Variants in HTR2C observed in about 807,000 individuals in gnomAD.
HTR2C encodes the protein 5-hydroxytryptamine receptor 2C, also known as 5-hydroxytryptamine (serotonin) receptor 2C, G protein-coupled.
In HTR2C, 5 loss-of-function variants were observed where a neutral mutation model predicts 21.0. That is an observed-to-expected ratio of 0.24 (90% CI 0.12 to 0.50). HTR2C has a LOEUF of 0.50. Ranked by LOEUF, HTR2C falls within the 20% of genes least tolerant of loss-of-function variation. HTR2C has a pLI of 0.98. For missense variants in HTR2C, 271 were observed against 371.2 expected (o/e 0.73, Z 2.22); for synonymous variants, 150 against 145.3 (o/e 1.03, Z -0.23).
chrX:114,690,682 G>A (rs1021599473), intron 2 of HTR2C, among the ~76,000 whole-genome samples: 1 of 111,451 alleles, frequency 9.0e-6, no homozygotes. Context: ...GGATAATAGG[G>A]CAGGTGCTCT....
intron 2 of HTR2C, among the ~76,000 whole-genome samples, chrX:114,616,201 C>T (rs1556400212): frequency 9.1e-6 from 1 of 109,910 alleles, no homozygotes; most frequent in East Asian, 2.8e-4. Context: ...AATGTGTATA[C>T]ATCTACAGCC....
chrX:114,830,548 G>A (rs1292303979), intron 4 of HTR2C, among the ~76,000 whole-genome samples: 12 of 110,309 alleles, frequency 1.1e-4, no homozygotes, highest in African/African-American at 1.3e-4. Flanking sequence ...GCTTACTTCA[G>A]TTTTGCCAGA....
At chrX:114,739,853 C>A (rs191042748) in intron 4 of HTR2C, among the ~76,000 whole-genome samples, 1 of 111,344 alleles carries the variant, frequency 9.0e-6, no homozygotes, top group East Asian at 2.8e-4. Context: ...CACCTATAAT[C>A]CCAGCACTTT....
intron 3 of HTR2C, among the ~76,000 whole-genome samples, chrX:114,727,930 G>A (rs782295203): frequency 1.8e-5 from 2 of 111,586 alleles, no homozygotes; most frequent in African/African-American, 6.5e-5. Context: ...TTGGGTATGG[G>A]AAAATGAAAG....
At chrX:114,781,386 C>T (rs1479419553) in intron 4 of HTR2C, among the ~76,000 whole-genome samples, 1 of 110,923 alleles carries the variant, frequency 9.0e-6, no homozygotes, top group Non-Finnish European at 1.9e-5. Flanking sequence ...GTCCTACCTA[C>T]TTGAGAGGCT....
chrX:114,875,290 C>G (rs1451279308), intron 5 of HTR2C, among the ~76,000 whole-genome samples: 1 of 111,908 alleles, frequency 8.9e-6, no homozygotes, highest in Non-Finnish European at 1.9e-5. Flanking sequence ...GAGTGGGACA[C>G]ACATTCAGAA....
rs868986182 is a variant in HTR2C at position 114,805,626 on chromosome X, C to T, written c.350-42377C>T. 2.1e-4 allele frequency among the ~76,000 whole-genome samples: 2 copies of T among 9,505 alleles called. 1 individual carries two copies. The highest frequency in any genetic ancestry group is 3.3e-4 in the Non-Finnish European group (2 of 6,149). The allele number at this position is 9,505 out of a possible 115,157, so 8.3% of individuals were successfully genotyped here. A position where few individuals can be genotyped will look rare whatever the true frequency, so the allele number is the denominator to read the frequency against. ...ATATATATACACATCATATATATAC[C>T]ATATATATACCATATATATACACCA... is the stretch of plus-strand genomic sequence containing the variant. On this transcript the variant is annotated intron_variant, in intron 4 of 5. Transcript: ENST00000276198.
intron 4 of HTR2C, among the ~76,000 whole-genome samples, chrX:114,797,603 G>A (rs1393539788): frequency 2.7e-5 from 3 of 111,641 alleles, no homozygotes; most frequent in African/African-American, 9.8e-5. Flanking sequence ...TCCTTGTTGT[G>A]CAATCAGGGT....
intron 4 of HTR2C, among the ~76,000 whole-genome samples, chrX:114,800,008 T>C (rs1373656579): frequency 9.0e-6 from 1 of 111,070 alleles, no homozygotes; most frequent in African/African-American, 3.3e-5. Context: ...CTGTTCTAGA[T>C]GTTTCCCAAA....
At chrX:114,806,070 A>ATATATACCATG (rs1210001090) in intron 4 of HTR2C, among the ~76,000 whole-genome samples, 1 of 100,987 alleles carries the variant, frequency 9.9e-6, no homozygotes, top group South Asian at 4.4e-4. Flanking sequence ...TATACACCAT[A>ATATATACCATG]TATACACCAT....
At chrX:114,637,887 A>G (rs73222943) in intron 2 of HTR2C, among the ~76,000 whole-genome samples, 1,392 of 111,653 alleles carry the variant, frequency 0.012, 11 homozygotes, top group Non-Finnish European at 0.021. Flanking sequence ...AAAATTCGCT[A>G]AGGGAGAGTG....
chrX:114,716,397 G>A (rs1556419805), intron 2 of HTR2C, among the ~76,000 whole-genome samples: 2 of 111,930 alleles, frequency 1.8e-5, no homozygotes, highest in South Asian at 3.6e-4. Flanking sequence ...CAATAATCAC[G>A]CTCATGGAAC....
At chrX:114,833,984 G>A (rs1206668835) in intron 4 of HTR2C, among the ~76,000 whole-genome samples, 2 of 110,047 alleles carry the variant, frequency 1.8e-5, no homozygotes, top group Non-Finnish European at 3.8e-5. Flanking sequence ...GGAGCAGGTT[G>A]TTCAGTTTCC....
chrX:114,846,514 C>G (rs1188373911), intron 4 of HTR2C, among the ~76,000 whole-genome samples: 1 of 111,742 alleles, frequency 8.9e-6, no homozygotes, highest in Non-Finnish European at 1.9e-5. Flanking sequence ...CATACAGAAA[C>G]TAATCAATGT....
At chrX:114,890,075 G>C (rs1435683694) in intron 5 of HTR2C, among the ~76,000 whole-genome samples, 1 of 111,646 alleles carries the variant, frequency 9.0e-6, no homozygotes. Context: ...GCCACTCTCT[G>C]CTTTTTCTTG....
At chrX:114,741,523 C>CAAAAAAAAAAAAAAAAAAAAAAAAAAAA (rs2069645894) in intron 4 of HTR2C, among the ~76,000 whole-genome samples, 1 of 5,511 alleles carries the variant, frequency 1.8e-4, no homozygotes, top group Non-Finnish European at 4.4e-4. Flanking sequence ...ACGACTCCGT[C>CAAAAAAAAAAAAAAAAAAAAAAAAAAAA]TAAAAAAAAA....
chrX:114,820,456 ATCAG>A (rs1183782233), intron 4 of HTR2C, among the ~76,000 whole-genome samples: 1 of 110,562 alleles, frequency 9.0e-6, no homozygotes, highest in Non-Finnish European at 1.9e-5. Context: ...ACCACAATTT[ATCAG>A]TCATATATAC....
intron 5 of HTR2C, among the ~76,000 whole-genome samples, chrX:114,869,153 C>T (rs943204874): frequency 1.8e-5 from 2 of 111,306 alleles, no homozygotes; most frequent in African/African-American, 6.5e-5. Context: ...CATTCATGTC[C>T]CTGCAAAGGA....
At chrX:114,671,999 T>C (rs1931394842) in intron 2 of HTR2C, among the ~76,000 whole-genome samples, 3 of 111,414 alleles carry the variant, frequency 2.7e-5, no homozygotes, top group African/African-American at 9.8e-5. Context: ...TCTTTCTCAA[T>C]CATGGAAATG....
Sources: gnomAD v4.1 joint callset for allele counts (sites outside exome capture counted in the v4.1 genomes callset) on GRCh38, gnomAD v4.1.1 for gene constraint, MANE v1.5 for transcripts, NCBI Gene and HGNC (gene_info 2026-07-23, HGNC 2026-07-21) for gene names.